Variants in GSG1L observed in about 807,000 individuals in gnomAD.
GSG1L encodes germ cell-specific gene 1-like protein.
In GSG1L, 24 loss-of-function variants were observed where a neutral mutation model predicts 42.1. The ratio of observed to expected loss-of-function variants is 0.57; its 90% CI spans 0.41 to 0.80. The LOEUF (loss-of-function observed/expected upper bound fraction) is 0.80, where lower values mean the gene tolerates loss of function less well. GSG1L is among the 30% of genes least tolerant of loss of function. The pLI, the probability that GSG1L is intolerant of heterozygous loss-of-function variation, is 0.00. For synonymous variants in GSG1L, 215 were observed against 203.5 expected (o/e 1.06, Z -0.48); for missense variants, 445 against 472.2 (o/e 0.94, Z 0.53).
chr16:27,951,588 G>A (rs945708274), intron 2 of GSG1L, among the ~76,000 whole-genome samples: 1 of 152,148 alleles, frequency 6.6e-6, no homozygotes, highest in South Asian at 2.1e-4. Flanking sequence ...GGTGTAAAGA[G>A]CATTGATTAA....
intron 1 of GSG1L, among the ~76,000 whole-genome samples, chr16:28,046,562 G>A (rs1004636306): frequency 2.0e-5 from 3 of 151,944 alleles, no homozygotes; most frequent in African/African-American, 7.3e-5. Context: ...CACCGTGTTA[G>A]CCAGGATGGT....
intron 3 of GSG1L, among the ~76,000 whole-genome samples, chr16:27,847,945 G>C (rs1434633075): frequency 1.3e-5 from 2 of 152,188 alleles, no homozygotes; most frequent in South Asian, 4.1e-4. Context: ...GTCTCAGGTA[G>C]TTCTTTATAG....
chr16:27,823,062 T>C lies in GSG1L; in HGVS notation c.830+5727A>G, dbSNP rs761721394. ...ACAGGTCTGATTTTCTTCCACACATTGTTAAACCAGATCTGAGCATTAAGT... is the reference window on the plus strand; with the variant it reads ...ACAGGTCTGATTTTCTTCCACACATCGTTAAACCAGATCTGAGCATTAAGT... On this transcript the variant is annotated intron_variant, in intron 5 of 6. Transcript: ENST00000447459. 2.6e-5 allele frequency among the ~76,000 whole-genome samples: 4 copies of C among 152,180 alleles called. No individual in the cohort carries two copies. In the East Asian group the frequency reaches 7.7e-4, roughly 29 times the overall value.
Position 27,846,165 on chromosome 16 carries a change from C to T in GSG1L, c.551-1104G>A, listed in dbSNP as rs117952150. On this transcript the variant is annotated intron_variant, in intron 3 of 6. Coordinates refer to ENST00000447459, the MANE Select transcript of GSG1L (RefSeq NM_001109763.2). ...TGCACTTCCTAACTGTTCATTCTGTCCCACCGATCTTTCTCTGTGTTCCTG... is the reference window on the plus strand; with the variant it reads ...TGCACTTCCTAACTGTTCATTCTGTTCCACCGATCTTTCTCTGTGTTCCTG... 4.0e-3 allele frequency among the ~76,000 whole-genome samples: 602 copies of T among 152,264 alleles called. 11 individuals carry two copies. Among genetic ancestry groups the T allele is most frequent in the East Asian group, 0.028 (143 of 5,188 alleles).
chr16:27,897,805 G>A (rs1036385952), intron 2 of GSG1L, among the ~76,000 whole-genome samples: 1 of 152,130 alleles, frequency 6.6e-6, no homozygotes, highest in Non-Finnish European at 1.5e-5. Flanking sequence ...ACCTCTCTGA[G>A]CCTCAGTTTC....
intron 2 of GSG1L, among the ~76,000 whole-genome samples, chr16:27,945,510 C>T (rs1299884048): frequency 2.0e-5 from 3 of 152,154 alleles, no homozygotes; most frequent in Non-Finnish European, 4.4e-5. Context: ...AGCGGAAGAT[C>T]GGAAGCCCAG....
At chr16:27,932,956 A>C (rs2084673283) in intron 2 of GSG1L, among the ~76,000 whole-genome samples, 1 of 152,138 alleles carries the variant, frequency 6.6e-6, no homozygotes. Flanking sequence ...CAGACTCACA[A>C]GCAAGAAAAA....
intron 2 of GSG1L, among the ~76,000 whole-genome samples, chr16:27,888,552 T>TCC: frequency 4.2e-5 from 1 of 23,622 alleles, no homozygotes; most frequent in African/African-American, 1.0e-4. Flanking sequence ...TCTTTCTTTC[T>TCC]TTCTTTCTTT....
intron 2 of GSG1L, among the ~76,000 whole-genome samples, chr16:27,899,548 C>A (rs1047459844): frequency 2.0e-5 from 3 of 152,164 alleles, no homozygotes; most frequent in Non-Finnish European, 4.4e-5. Context: ...GAGACCCTGC[C>A]TCTACAAAAA....
At chr16:27,934,253 C>T (rs561469920) in intron 2 of GSG1L, among the ~76,000 whole-genome samples, 7 of 152,266 alleles carry the variant, frequency 4.6e-5, no homozygotes, top group East Asian at 3.9e-4. Flanking sequence ...GCTTTAAAAG[C>T]GAGCTATGGG....
At chr16:28,011,502 G>A (rs1408392439) in intron 1 of GSG1L, among the ~76,000 whole-genome samples, 1 of 152,250 alleles carries the variant, frequency 6.6e-6, no homozygotes. Context: ...AGGCAGACAT[G>A]GTCCAGATCG....
intron 2 of GSG1L, among the ~76,000 whole-genome samples, chr16:27,905,348 A>T (rs71389820): frequency 0.061 from 8,981 of 147,494 alleles, 332 homozygotes; most frequent in Non-Finnish European, 0.084. Context: ...TTAAAGCGAC[A>T]GGGTCTCACT....
chr16:27,807,235 G>A (rs1165456499), intron 6 of GSG1L, among the ~76,000 whole-genome samples: 1 of 152,190 alleles, frequency 6.6e-6, no homozygotes, highest in Non-Finnish European at 1.5e-5. Flanking sequence ...TTCCCTGCCT[G>A]CTCCCTGGAA....
At chr16:27,897,031 T>G (rs1431103686) in intron 2 of GSG1L, among the ~76,000 whole-genome samples, 1 of 152,148 alleles carries the variant, frequency 6.6e-6, no homozygotes, top group Non-Finnish European at 1.5e-5. Flanking sequence ...GCCTGGCTAA[T>G]TTTTGTATTT....
chr16:27,869,785 CCTT>C (rs1300419692), intron 3 of GSG1L, among the ~76,000 whole-genome samples: 4 of 146,788 alleles, frequency 2.7e-5, no homozygotes, highest in Non-Finnish European at 6.0e-5. Context: ...AGCTCTCTCT[CCTT>C]CTCTCTTTGT....
intron 1 of GSG1L, among the ~76,000 whole-genome samples, chr16:28,010,491 C>T (rs1000626845): frequency 1.3e-5 from 2 of 152,112 alleles, no homozygotes; most frequent in African/African-American, 2.4e-5. Context: ...TGGACTAATA[C>T]GGGAGAGCTA....
chr16:28,014,654 A>ATTTT (rs3033619), intron 1 of GSG1L, among the ~76,000 whole-genome samples: 11 of 73,438 alleles, frequency 1.5e-4, no homozygotes, highest in African/African-American at 2.6e-4. Context: ...CAGGCACGCT[A>ATTTT]TTTTTTTTTT....
At chr16:27,928,664 G>A (rs2084623953) in intron 2 of GSG1L, among the ~76,000 whole-genome samples, 1 of 152,154 alleles carries the variant, frequency 6.6e-6, no homozygotes, top group Non-Finnish European at 1.5e-5. Context: ...CATTCGGCAG[G>A]TGAGGGACTA....
At chr16:27,831,318 A>C (rs2083272243) in intron 4 of GSG1L, among the ~76,000 whole-genome samples, 1 of 152,162 alleles carries the variant, frequency 6.6e-6, no homozygotes, top group African/African-American at 2.4e-5. Flanking sequence ...TGGAAGTCTC[A>C]GTTTCTTTTT....
Sources: allele counts gnomAD v4.1 joint callset (sites outside exome capture counted in the v4.1 genomes callset), GRCh38; gene constraint gnomAD v4.1.1; transcripts MANE v1.5; gene names NCBI Gene and HGNC (gene_info 2026-07-23, HGNC 2026-07-21).